The following PTPRN2 variants were observed in gnomAD, a reference collection of about 807,000 sequenced individuals.
PTPRN2 encodes receptor-type tyrosine-protein phosphatase N2.
In PTPRN2, 74 loss-of-function variants were observed where a neutral mutation model predicts 118.8. The ratio of observed to expected loss-of-function variants is 0.62; its 90% confidence interval spans 0.52 to 0.76. PTPRN2 has a LOEUF of 0.76. Ranked by LOEUF, PTPRN2 falls within the 30% of genes least tolerant of loss-of-function variation. The probability of loss-of-function intolerance (pLI) is 0.00; values close to 1 mark genes in which losing one functional copy is unlikely to be tolerated. For missense variants in PTPRN2, 1,481 were observed against 1,394.4 expected (o/e 1.06, Z -0.99); for synonymous variants, 641 against 608.0 (o/e 1.05, Z -0.80).
At chr7:158,390,648 G>A (rs73178203) in intron 2 of PTPRN2, among the ~76,000 whole-genome samples, 1 of 152,190 alleles carries the variant, frequency 6.6e-6, no homozygotes, top group Non-Finnish European at 1.5e-5. Context: ...CATGCCAACT[G>A]CTGTCCACTG....
rs958059760 is a variant in PTPRN2 at position 157,591,452 on chromosome 7, G to T, written c.2496+3786C>A. Among the ~76,000 whole-genome samples the T allele has an allele frequency of 2.6e-5, 4 of 152,218 alleles. No homozygotes were observed. The highest frequency in any genetic ancestry group is 4.4e-5 in the Non-Finnish European group (3 of 68,038). On this transcript the variant is annotated intron_variant, in intron 17 of 22. Coordinates refer to ENST00000389418, the MANE Select transcript of PTPRN2 (RefSeq NM_002847.5). This position sits in a 1 kb window ranked among gnomAD's most constrained non-coding sequence, Gnocchi z 4.4. ...CAGAATGGGGATGCAGGAGGAGACG[G>T]TCACTCCAACTCAGCCTGTTGACTT...
intron 13 of PTPRN2, among the ~76,000 whole-genome samples, chr7:157,672,089 C>T (rs1796445162): frequency 6.6e-6 from 1 of 152,014 alleles, no homozygotes; most frequent in Admixed American, 6.5e-5. Context: ...GTACAGGGGC[C>T]ACGGGTCGCA....
Position 157,564,892 on chromosome 7 carries a change from G to A in PTPRN2, c.2902+4010C>T, listed in dbSNP as rs144689321. On this transcript the variant is annotated intron_variant, in intron 21 of 22. Coordinates refer to ENST00000389418, the MANE Select transcript of PTPRN2 (RefSeq NM_002847.5). ...GGATTACTCACAACAGCCCAAAGCC[G>A]GAAACAACGGCACTGTCCATTAATA... Among the ~76,000 whole-genome samples, 314 of 152,308 alleles carry A rather than the reference G, an allele frequency of 2.1e-3. 1 individual carries two copies. The highest frequency in any genetic ancestry group is 7.1e-3 in the African/African-American group (297 of 41,558).
chr7:157,893,070 T>C lies in PTPRN2; in HGVS notation c.1788+5603A>G, dbSNP rs1796895054. 6.6e-6 allele frequency among the ~76,000 whole-genome samples: 1 copy of C among 152,210 alleles called. No individual in the cohort carries two copies. The highest frequency in any genetic ancestry group is 2.4e-5 in the African/African-American group (1 of 41,446). ...AAAATGGCCACGTGGAGAAGGATAA[T>C]GCTCCAGGAGCTGGTCTCCAGCATT... On this transcript the variant is annotated intron_variant, in intron 12 of 22. Coordinates refer to ENST00000389418, the MANE Select transcript of PTPRN2 (RefSeq NM_002847.5). This position sits in a 1 kb window ranked among gnomAD's most constrained non-coding sequence, Gnocchi z 4.0.
At chr7:157,963,180 G>C (rs1012302925) in intron 11 of PTPRN2, among the ~76,000 whole-genome samples, 1 of 152,226 alleles carries the variant, frequency 6.6e-6, no homozygotes, top group Non-Finnish European at 1.5e-5. Flanking sequence ...GCAGTCTCCT[G>C]GCCTCAGGTG....
intron 19 of PTPRN2, among the ~76,000 whole-genome samples, chr7:157,575,319 G>A (rs1004472621): frequency 3.3e-5 from 5 of 152,208 alleles, no homozygotes; most frequent in African/African-American, 9.6e-5. Flanking sequence ...TTGACAGAAT[G>A]TACATAATGG....
chr7:158,213,966 CCAGAACAA>C (rs1827789105), intron 3 of PTPRN2, among the ~76,000 whole-genome samples: 1 of 152,072 alleles, frequency 6.6e-6, no homozygotes, highest in Admixed American at 6.5e-5. Flanking sequence ...CTCAGTTCTT[CCAGAACAA>C]CAGTTGGTCA....
At chr7:158,567,976 G>T (rs1280461130) in intron 1 of PTPRN2, among the ~76,000 whole-genome samples, 1 of 152,202 alleles carries the variant, frequency 6.6e-6, no homozygotes, top group Non-Finnish European at 1.5e-5. Context: ...CTTTTGCCCA[G>T]GTGCAGTGGC....
chr7:158,575,320 A>G (rs1828265607), intron 1 of PTPRN2, among the ~76,000 whole-genome samples: 1 of 152,342 alleles, frequency 6.6e-6, no homozygotes, highest in East Asian at 1.9e-4. Flanking sequence ...AATGTTATAT[A>G]TTATTTAAAA....
chr7:157,871,039 T>TA (rs1213101019), intron 12 of PTPRN2, among the ~76,000 whole-genome samples: 2 of 152,204 alleles, frequency 1.3e-5, no homozygotes, highest in Non-Finnish European at 2.9e-5. Context: ...CTGGGGGCGC[T>TA]AGGCCATGAG....
In PTPRN2 at chr7:157,595,493, CTGGTGTTT is replaced by C. The variant is rs1293108957; in HGVS notation, c.2419-186_2419-179del. Among the ~76,000 whole-genome samples, 531 of 143,932 alleles carry C rather than the reference CTGGTGTTT, an allele frequency of 3.7e-3. 28 individuals are homozygous for C. Among genetic ancestry groups the C allele is most frequent in the East Asian group, 0.015 (73 of 4,920 alleles). The allele number at this position is 143,932 out of a possible 152,430, so 94.4% of individuals were successfully genotyped here. A position where few individuals can be genotyped will look rare whatever the true frequency, so the allele number is the denominator to read the frequency against. On this transcript the variant is annotated intron_variant, in intron 16 of 22. Coordinates refer to ENST00000389418, the MANE Select transcript of PTPRN2 (RefSeq NM_002847.5). ...TTAGGAAGCCAGGAGGTTAGGAAGCCTGGTGTTTAGGAAGCCCGGAGGTTAGGAAGCCA... is the reference window on the plus strand; with the variant it reads ...TTAGGAAGCCAGGAGGTTAGGAAGCCAGGAAGCCCGGAGGTTAGGAAGCCA...
chr7:158,149,151 C>T (rs1407154639), intron 6 of PTPRN2, among the ~76,000 whole-genome samples: 5 of 150,868 alleles, frequency 3.3e-5, no homozygotes, highest in African/African-American at 1.2e-4. Flanking sequence ...CGTGTCTTTC[C>T]CCCTCAGTGA....
chr7:157,824,311 G>A (rs917765956), intron 12 of PTPRN2, among the ~76,000 whole-genome samples: 2 of 152,182 alleles, frequency 1.3e-5, no homozygotes, highest in Non-Finnish European at 2.9e-5. Context: ...TTGTTGTGCC[G>A]ACCGCTGCCA....
intron 10 of PTPRN2, among the ~76,000 whole-genome samples, chr7:158,094,652 G>A (rs919545631): frequency 6.6e-6 from 1 of 152,156 alleles, no homozygotes; most frequent in South Asian, 2.1e-4. Flanking sequence ...GATGCTTAAG[G>A]ATTAATGAGC....
chr7:158,534,769 T>G (rs1825545593), intron 1 of PTPRN2, among the ~76,000 whole-genome samples: 1 of 152,140 alleles, frequency 6.6e-6, no homozygotes, highest in East Asian at 1.9e-4. Context: ...AGACGAGACA[T>G]TCTCCATATG....
Position 157,610,747 on chromosome 7 carries a change from C to T in PTPRN2, c.2345-6672G>A, listed in dbSNP as rs147443698. On this transcript the variant is annotated intron_variant, in intron 15 of 22. Transcript: ENST00000389418. The surrounding 1 kb of genome is among the most constrained non-coding windows in gnomAD (Gnocchi z 5.1). ...TTTGCAGACCTGGGCACTTGAAGAC[C>T]AGCAACAGCGTGATGACAGAACGCA... Among the ~76,000 whole-genome samples the T allele has an allele frequency of 5.7e-4, 87 of 152,326 alleles. No homozygotes were observed. The highest frequency in any genetic ancestry group is 1.0e-3 in the Admixed American group (16 of 15,304).
intron 2 of PTPRN2, among the ~76,000 whole-genome samples, chr7:158,334,459 GCCCATAGACGTCACTCACA>G (rs1805175632): frequency 6.5e-5 from 1 of 15,482 alleles, no homozygotes; most frequent in African/African-American, 1.9e-4. Context: ...AAGAGGTGAC[GCCCATAGACGTCACTCACA>G]CCCACACACG....
intron 2 of PTPRN2, among the ~76,000 whole-genome samples, chr7:158,340,223 C>T (rs1350267132): frequency 1.1e-5 from 1 of 90,844 alleles, no homozygotes; most frequent in Admixed American, 1.1e-4. Context: ...CTGATGCCGG[C>T]ACACGTCACT....
intron 3 of PTPRN2, among the ~76,000 whole-genome samples, chr7:158,280,943 T>C (rs943496657): frequency 6.6e-6 from 1 of 152,318 alleles, no homozygotes; most frequent in East Asian, 1.9e-4. Flanking sequence ...TCTGGAAACA[T>C]AGGCTAGCGA....
Sources: allele counts gnomAD v4.1 joint callset (sites outside exome capture counted in the v4.1 genomes callset), GRCh38; gene constraint gnomAD v4.1.1; non-coding constraint Gnocchi (gnomAD v3.1); transcripts MANE v1.5; gene names NCBI Gene and HGNC (gene_info 2026-07-23, HGNC 2026-07-21).